Variants in PKNOX1 observed in about 807,000 individuals in gnomAD.
PKNOX1 encodes PBX/knotted 1 homeobox 1.
A neutral mutation model predicts 51.9 loss-of-function variants in PKNOX1; 15 were observed. The observed-to-expected ratio is 0.29, with a 90% CI of 0.19 to 0.45. PKNOX1 has a LOEUF of 0.45. Ranked by LOEUF, PKNOX1 falls within the 20% of genes least tolerant of loss-of-function variation. The pLI, the probability that PKNOX1 is intolerant of heterozygous loss-of-function variation, is 1.00. For missense variants in PKNOX1, 462 were observed against 547.5 expected, an observed-to-expected ratio of 0.84 and a Z score of 1.56; for synonymous variants, 219 against 211.1, an observed-to-expected ratio of 1.04 and a Z score of -0.32.
At chr21:42,978,310 C>G (rs1024431000) in intron 1 of PKNOX1, among the ~76,000 whole-genome samples, 34 of 151,830 alleles carry the variant, frequency 2.2e-4, no homozygotes, top group African/African-American at 7.7e-4. Context: ...TGGCCATTTT[C>G]TTATTCATGT....
At chr21:43,025,950 C>T (rs549259897) in intron 9 of PKNOX1, among the ~76,000 whole-genome samples, 5 of 152,236 alleles carry the variant, frequency 3.3e-5, no homozygotes, top group East Asian at 3.9e-4. Context: ...ATACTATTTG[C>T]GTTATTTCCT....
intron 1 of PKNOX1, among the ~76,000 whole-genome samples, chr21:42,987,809 A>G (rs750700763): frequency 3.9e-4 from 59 of 151,838 alleles, no homozygotes; most frequent in South Asian, 1.0e-3. Flanking sequence ...TAGTAGAGAC[A>G]GGGTTTCACC....
At chr21:42,986,079 T>G (rs573859698) in intron 1 of PKNOX1, among the ~76,000 whole-genome samples, 9 of 152,304 alleles carry the variant, frequency 5.9e-5, no homozygotes, top group Non-Finnish European at 1.3e-4. Context: ...AATTTTGTTT[T>G]GTCTTTAGGG....
intron 1 of PKNOX1, among the ~76,000 whole-genome samples, chr21:42,991,913 T>C (rs541137819): frequency 6.6e-6 from 1 of 152,336 alleles, no homozygotes; most frequent in South Asian, 2.1e-4. Flanking sequence ...CTTTTTGAGA[T>C]GGGATCTTGC....
chr21:42,994,031 CTTTT>C (rs34173115), intron 1 of PKNOX1, among the ~76,000 whole-genome samples: 20 of 93,262 alleles, frequency 2.1e-4, no homozygotes, highest in Admixed American at 3.9e-4. Context: ...CGCGCCCAGC[CTTTT>C]TTTTTTTTTT....
chr21:43,029,776 A>G, intron 10 of PKNOX1, 114 bp from the exon 11 acceptor site: 3 of 876,596 alleles, frequency 3.4e-6, no homozygotes, highest in Non-Finnish European at 1.8e-6. Context: ...CTAAACATAT[A>G]TAGGTGTTTT....
At chr21:42,995,241 A>C (rs144057218) in intron 1 of PKNOX1, among the ~76,000 whole-genome samples, 2,150 of 151,746 alleles carry the variant, frequency 0.014, 22 homozygotes, top group Non-Finnish European at 0.024. Flanking sequence ...TATTTTTGCC[A>C]GTTTCTTTAT....
At chr21:42,977,200 C>G (rs1224814189) in intron 1 of PKNOX1, among the ~76,000 whole-genome samples, 1 of 152,120 alleles carries the variant, frequency 6.6e-6, no homozygotes, top group Non-Finnish European at 1.5e-5. Flanking sequence ...CTTCAGAACC[C>G]TAGGATTTTC....
intron 1 of PKNOX1, among the ~76,000 whole-genome samples, chr21:42,976,620 G>A (rs2058998927): frequency 3.9e-5 from 6 of 152,208 alleles, no homozygotes; most frequent in Admixed American, 3.3e-4. Context: ...TGTGCACAGC[G>A]TCTTCACTAG....
At chr21:42,983,309 GA>G (rs34997119) in intron 1 of PKNOX1, among the ~76,000 whole-genome samples, 130,186 of 151,930 alleles carry the variant, frequency 0.86, 55,842 homozygotes, top group African/African-American at 0.88. Flanking sequence ...TCCCCTCCCT[GA>G]AGCCCCTGGC....
At chr21:43,015,267 A>G (rs1979441037) in intron 5 of PKNOX1, among the ~76,000 whole-genome samples, 1 of 152,144 alleles carries the variant, frequency 6.6e-6, no homozygotes, top group Non-Finnish European at 1.5e-5. Context: ...GTTATCCTAT[A>G]TTGCTTTTTT....
intron 9 of PKNOX1, 30 bp downstream of exon 9, chr21:43,024,977 T>C (rs1979928313): frequency 1.4e-6 from 2 of 1,420,940 alleles, no homozygotes; most frequent in Non-Finnish European, 2.0e-6. Flanking sequence ...GAAATCATGC[T>C]GTCAGCACGG....
At chr21:43,022,945 A>G (rs1374468983) in intron 8 of PKNOX1, among the ~76,000 whole-genome samples, 2 of 152,182 alleles carry the variant, frequency 1.3e-5, no homozygotes, top group African/African-American at 4.8e-5. Flanking sequence ...GAACAACACC[A>G]AGTGGTGGGA....
Position 43,010,076 on chromosome 21 carries a change from C to T in PKNOX1, c.203C>T (p.Ala68Val), listed in dbSNP as rs756000410. Residue 68 changes from alanine (A) to valine (V), a missense_variant, in exon 4 of 11, where the codon GCT (alanine) becomes GTT (valine). Physicochemically the swap from Ala to Val is moderately conservative, Grantham distance 64. Around this residue, in one of 5 missense-constraint regions of PKNOX1, gnomAD observed 129 missense variants for 133.4 expected, o/e 0.97. Transcript: ENST00000291547. ...AGGCATCCACTATTTCCATTATTAG[C>T]TTTGTTGTTTGAAAAATGTGAACAA... ...IYRHPLFPLL[A>V]LLFEKCEQST... 3 of 1,566,526 alleles carry T rather than the reference C, an allele frequency of 1.9e-6. No individual in the cohort carries two copies. The highest frequency in any genetic ancestry group is 2.6e-6 in the Non-Finnish European group (3 of 1,159,720).
chr21:42,975,669 C>T (rs770128397), intron 1 of PKNOX1, among the ~76,000 whole-genome samples: 2 of 152,184 alleles, frequency 1.3e-5, no homozygotes, highest in Middle Eastern at 3.2e-3. Flanking sequence ...ACGGGAGGCC[C>T]GAGGGTCCGG....
chr21:43,023,088 G>T (rs1313775955), intron 8 of PKNOX1, among the ~76,000 whole-genome samples: 1 of 151,888 alleles, frequency 6.6e-6, no homozygotes, highest in Non-Finnish European at 1.5e-5. Flanking sequence ...CCTCACCCTC[G>T]TTTCTTGGCA....
intron 3 of PKNOX1, among the ~76,000 whole-genome samples, chr21:43,008,780 C>CAA (rs34065486): frequency 6.9e-5 from 10 of 145,896 alleles, no homozygotes; most frequent in Non-Finnish European, 1.4e-4. Flanking sequence ...GGCCCTATCT[C>CAA]AAAAAAAAAA....
chr21:43,017,909 G>T (rs558617762), intron 6 of PKNOX1: 80 of 429,494 alleles, frequency 1.9e-4, no homozygotes, highest in South Asian at 4.4e-4. Context: ...TATTCCTTTT[G>T]TAAGTATATC....
At chr21:42,987,398 A>ATATATATATATATAT (rs1555858083) in intron 1 of PKNOX1, among the ~76,000 whole-genome samples, 26 of 91,812 alleles carry the variant, frequency 2.8e-4, no homozygotes, top group African/African-American at 1.1e-3. Flanking sequence ...AAAAAAAAAA[A>ATATATATATATATAT]AAAAAAATAT....
Sources: gnomAD v4.1 joint callset for allele counts (sites outside exome capture counted in the v4.1 genomes callset) on GRCh38, gnomAD v4.1.1 for gene constraint, gnomAD v4.1.1 regional missense constraint, MANE v1.5 for transcripts, NCBI Gene and HGNC (gene_info 2026-07-23, HGNC 2026-07-21) for gene names.